CLSTN2: variants seen among roughly 807,000 people sequenced by gnomAD.
CLSTN2 encodes calsyntenin 2, also known as calsyntenin-2.
In CLSTN2, 48 loss-of-function variants were observed where a neutral mutation model predicts 101.2. That is an observed-to-expected ratio of 0.47 (90% CI 0.38 to 0.60). The LOEUF (loss-of-function observed/expected upper bound fraction) is 0.60, where lower values mean the gene tolerates loss of function less well. Ranked by LOEUF, CLSTN2 falls within the 20% of genes least tolerant of loss-of-function variation. The pLI is 0.00. For missense variants in CLSTN2, 1,160 were observed against 1,238.2 expected (o/e 0.94, Z 0.95); for synonymous variants, 481 against 463.6 (o/e 1.04, Z -0.48).
chr3:140,249,729 T>C (rs1193248707), intron 2 of CLSTN2, among the ~76,000 whole-genome samples: 1 of 152,198 alleles, frequency 6.6e-6, no homozygotes, highest in African/African-American at 2.4e-5. Context: ...TCCTCTATTA[T>C]GTGATGAACT....
chr3:140,187,819 G>A (rs1166063513), intron 2 of CLSTN2, among the ~76,000 whole-genome samples: 5 of 152,138 alleles, frequency 3.3e-5, no homozygotes, highest in Admixed American at 3.3e-4. Flanking sequence ...ATTTACAAGA[G>A]GGCACTGAGC....
chr3:140,320,550 G>A (rs749630493), intron 2 of CLSTN2, among the ~76,000 whole-genome samples: 19 of 151,422 alleles, frequency 1.3e-4, no homozygotes, highest in Non-Finnish European at 2.7e-4. Flanking sequence ...GGGTGACACC[G>A]AGCAGGCCTG....
chr3:140,229,605 A>G (rs1429333320), intron 2 of CLSTN2, among the ~76,000 whole-genome samples: 1 of 151,896 alleles, frequency 6.6e-6, no homozygotes, highest in African/African-American at 2.4e-5. Context: ...GGAGAGCTAA[A>G]ACCCATTCAG....
intron 2 of CLSTN2, among the ~76,000 whole-genome samples, chr3:140,244,712 C>G (rs182282809): frequency 2.2e-4 from 34 of 152,314 alleles, no homozygotes; most frequent in Admixed American, 4.6e-4. Flanking sequence ...CTATTGAACA[C>G]CTTCCCAAAC....
intron 2 of CLSTN2, among the ~76,000 whole-genome samples, chr3:140,229,664 C>T (rs950952411): frequency 1.2e-4 from 18 of 152,140 alleles, no homozygotes; most frequent in African/African-American, 4.3e-4. Flanking sequence ...AAGGGGAAAG[C>T]TGCTCTGCTC....
intron 1 of CLSTN2, among the ~76,000 whole-genome samples, chr3:140,021,238 T>G (rs2007309767): frequency 6.6e-6 from 1 of 152,144 alleles, no homozygotes; most frequent in African/African-American, 2.4e-5. Flanking sequence ...TTAAGTACTC[T>G]GAGTTACTGC....
chr3:140,057,778 C>G (rs2008123615), intron 1 of CLSTN2, among the ~76,000 whole-genome samples: 1 of 152,148 alleles, frequency 6.6e-6, no homozygotes, highest in Non-Finnish European at 1.5e-5. Context: ...AGCTAATTAT[C>G]AGATACAAAA....
rs1052172570 is a variant in CLSTN2, at chr3:140,406,077, C to T, written c.637+1311C>T. Among the ~76,000 whole-genome samples, 4 of 152,152 alleles carry T rather than the reference C, an allele frequency of 2.6e-5. No individual in the cohort carries two copies. The East Asian group carries it at 5.8e-4, about 22-fold the overall frequency. On this transcript the variant is annotated intron_variant, in intron 4 of 16. Transcript: ENST00000458420. ...TGGCAGCAAGGGTGAAGATGGTGCACAAAGAATGCCATGAACCAGGGTTGG... is the reference window on the plus strand; with the variant it reads ...TGGCAGCAAGGGTGAAGATGGTGCATAAAGAATGCCATGAACCAGGGTTGG...
At chr3:140,061,000 G>T (rs72981902) in intron 1 of CLSTN2, among the ~76,000 whole-genome samples, 1 of 152,258 alleles carries the variant, frequency 6.6e-6, no homozygotes, top group East Asian at 1.9e-4. Flanking sequence ...GGGTCAGAGC[G>T]CTGGCAGAGG....
At chr3:140,252,473 TA>T (rs2086572660) in intron 2 of CLSTN2, among the ~76,000 whole-genome samples, 1 of 152,206 alleles carries the variant, frequency 6.6e-6, no homozygotes, top group Non-Finnish European at 1.5e-5. Context: ...ACCTGCATGT[TA>T]ACAAGCTCTC....
At chr3:140,416,321 T>C (rs541769858) in intron 4 of CLSTN2, among the ~76,000 whole-genome samples, 1 of 152,194 alleles carries the variant, frequency 6.6e-6, no homozygotes, top group Admixed American at 6.5e-5. Context: ...TAGTAATGCA[T>C]TATATACTTG....
At chr3:140,176,323 A>T (rs2010324277) in intron 2 of CLSTN2, among the ~76,000 whole-genome samples, 1 of 151,924 alleles carries the variant, frequency 6.6e-6, no homozygotes, top group South Asian at 2.1e-4. Flanking sequence ...TCTTCTAAGG[A>T]GTGGTAAATT....
intron 1 of CLSTN2, among the ~76,000 whole-genome samples, chr3:140,159,703 A>G (rs2010014617): frequency 6.6e-6 from 1 of 152,168 alleles, no homozygotes; most frequent in Admixed American, 6.6e-5. Flanking sequence ...TACCAAAAAG[A>G]CACACACTTG....
At chr3:140,483,400 T>A (rs1374096387) in intron 8 of CLSTN2, among the ~76,000 whole-genome samples, 2 of 152,216 alleles carry the variant, frequency 1.3e-5, no homozygotes, top group Admixed American at 1.3e-4. Flanking sequence ...GGTGTGGTGC[T>A]GAAAAAAATG....
chr3:139,986,732 A>G (rs1936027364), intron 1 of CLSTN2, among the ~76,000 whole-genome samples: 1 of 152,162 alleles, frequency 6.6e-6, no homozygotes, highest in South Asian at 2.1e-4. Context: ...ATTAGCTGGT[A>G]GTACAATGTA....
intron 7 of CLSTN2, among the ~76,000 whole-genome samples, chr3:140,463,438 G>C (rs1262706148): frequency 2.6e-5 from 4 of 152,170 alleles, no homozygotes; most frequent in Non-Finnish European, 5.9e-5. Flanking sequence ...GGAAAGGGAT[G>C]GGGGTATTTT....
intron 10 of CLSTN2, among the ~76,000 whole-genome samples, chr3:140,548,236 G>A (rs1935638492): frequency 1.3e-5 from 2 of 152,316 alleles, no homozygotes; most frequent in East Asian, 1.9e-4. Context: ...GAAATGTTCT[G>A]AGGAACTCAG....
intron 4 of CLSTN2, among the ~76,000 whole-genome samples, chr3:140,409,701 A>G (rs1360918612): frequency 6.6e-6 from 1 of 152,186 alleles, no homozygotes; most frequent in East Asian, 1.9e-4. Flanking sequence ...GTAAGTAACC[A>G]ACTCCAAAGA....
intron 1 of CLSTN2, among the ~76,000 whole-genome samples, chr3:140,026,572 A>G (rs2107757915): frequency 6.6e-6 from 1 of 152,324 alleles, no homozygotes; most frequent in Non-Finnish European, 1.5e-5. Context: ...TGGATTGATC[A>G]CAGGGATGGG....
Sources: gnomAD v4.1 joint callset for allele counts (sites outside exome capture counted in the v4.1 genomes callset) on GRCh38, gnomAD v4.1.1 for gene constraint, MANE v1.5 for transcripts, NCBI Gene and HGNC (gene_info 2026-07-23, HGNC 2026-07-21) for gene names.